LMF1: variants seen among roughly 807,000 people sequenced by gnomAD.
The protein encoded by LMF1 is lipase maturation factor 1, also known as transmembrane protein 112.
A neutral mutation model predicts 60.6 loss-of-function variants in LMF1; 68 were observed. The ratio of observed to expected loss-of-function variants is 1.12; its 90% confidence interval spans 0.92 to 1.37. LMF1 has a LOEUF of 1.37. LMF1 is among the 40% of genes most tolerant of loss of function. LMF1 has a pLI of 0.00. For synonymous variants in LMF1, 418 were observed against 324.7 expected (o/e 1.29, Z -3.09); for missense variants, 948 against 767.2 (o/e 1.24, Z -2.78).
chr16:936,036 A>C (rs1436889078), intron 2 of LMF1, among the ~76,000 whole-genome samples: 1 of 152,260 alleles, frequency 6.6e-6, no homozygotes, highest in East Asian at 1.9e-4. Context: ...TAGGTAAAAG[A>C]GTACGAAGTC....
chr16:976,159 C>T, intron 1 of LMF1: 1 of 453,528 alleles, frequency 2.2e-6, no homozygotes, highest in Non-Finnish European at 4.4e-6. Flanking sequence ...TGTCCCTTCT[C>T]AGAGGACCTC....
intron 3 of LMF1, among the ~76,000 whole-genome samples, chr16:924,905 G>A (rs1308073376): frequency 2.0e-5 from 3 of 152,266 alleles, no homozygotes; most frequent in Non-Finnish European, 4.4e-5. Flanking sequence ...GAGGAAACAA[G>A]TATTGAGGCC....
chr16:958,639 C>T (rs927028876), intron 1 of LMF1, among the ~76,000 whole-genome samples: 4 of 152,144 alleles, frequency 2.6e-5, no homozygotes, highest in Admixed American at 6.5e-5. Context: ...GTAATCCCAG[C>T]GCTTTGGGAG....
chr16:890,292 C>CG (rs1475198713), intron 5 of LMF1, among the ~76,000 whole-genome samples: 1 of 152,226 alleles, frequency 6.6e-6, no homozygotes, highest in Non-Finnish European at 1.5e-5. Context: ...AAGGGGCCCC[C>CG]GGGAAGCAAG....
intron 4 of LMF1, among the ~76,000 whole-genome samples, chr16:895,083 G>A (rs546526036): frequency 1.1e-3 from 160 of 152,298 alleles, no homozygotes; most frequent in Non-Finnish European, 1.7e-3. Context: ...CCCCTGGAAC[G>A]CAGGGTCCCA....
intron 4 of LMF1, among the ~76,000 whole-genome samples, chr16:910,509 C>G (rs1310652337): frequency 6.6e-6 from 1 of 152,212 alleles, no homozygotes; most frequent in Non-Finnish European, 1.5e-5. Context: ...CTCCCTCACC[C>G]TTGAATATGT....
rs1176540046 is a variant in LMF1, at chr16:914,846, T to C, written c.515-3767A>G. On this transcript the variant is annotated intron_variant, in intron 3 of 10. Coordinates refer to ENST00000262301, the MANE Select transcript of LMF1 (RefSeq NM_022773.4). The stretch of plus-strand genomic sequence containing the variant: ...CCATCTCCCTCTCTCCCATGACCAT[T>C]GGTGACAAAATTTTACTGCCTTGGA... Among the ~76,000 whole-genome samples, 5 of 70,418 alleles carry C rather than the reference T, an allele frequency of 7.1e-5. No individual in the cohort carries two copies. The East Asian group carries it at 1.8e-3, about 25-fold the overall frequency. 46.2% of individuals were successfully genotyped at this position (70,418 alleles called of 152,430 possible). A position where few individuals can be genotyped will look rare whatever the true frequency, so the allele number is the denominator to read the frequency against.
intron 10 of LMF1, among the ~76,000 whole-genome samples, chr16:864,294 A>C (rs1596846198): frequency 6.6e-6 from 1 of 152,048 alleles, no homozygotes; most frequent in South Asian, 2.1e-4. Flanking sequence ...TTTACTTTCA[A>C]CCTGCCTATA....
At position 954,537 on chromosome 16, in the gene LMF1, C is replaced by A; in HGVS notation, c.323G>T (p.Ser108Ile). 6.2e-7 allele frequency: 1 copy of A among 1,613,154 alleles called. No individual in the cohort carries two copies. The highest frequency in any genetic ancestry group is 8.5e-7 in the Non-Finnish European group (1 of 1,179,774). ...FQDRTSWEVF[S>I]YMPTILWLMD... ...CAGCCAGAGGATGGTGGGCATGTAG[C>A]TGAAGACTTCCCAGCTCGTCCTGTC... Residue 108 changes from serine to isoleucine, a missense_variant, in exon 2 of 11, where the codon AGC becomes ATC. Ser to Ile is a moderately radical substitution (Grantham distance 142, BLOSUM62 -2). Transcript: ENST00000262301.
At chr16:971,000 C>T (rs1567343098), upstream of LMF1, 8 of 1,423,518 alleles carry the variant, frequency 5.6e-6, no homozygotes, top group South Asian at 1.5e-5. Flanking sequence ...GGGCGCACTC[C>T]CGGAGGCCCC....
chr16:973,933 G>A (rs1034577469), upstream of LMF1, among the ~76,000 whole-genome samples: 3 of 151,566 alleles, frequency 2.0e-5, no homozygotes, highest in African/African-American at 7.3e-5. Context: ...TGACGTGAAC[G>A]CGGGGGCTGG....
chr16:947,776 C>A, intron 2 of LMF1: 1 of 353,372 alleles, frequency 2.8e-6, no homozygotes, highest in Non-Finnish European at 5.6e-6. Context: ...AGAGTCAGAG[C>A]CAACGACAGA....
intron 10 of LMF1, among the ~76,000 whole-genome samples, chr16:864,685 G>C (rs1427595507): frequency 6.7e-6 from 1 of 148,440 alleles, no homozygotes; most frequent in Non-Finnish European, 1.5e-5. Context: ...TTTTGAGATA[G>C]GGTCTTGTGT....
chr16:867,982 C>T (rs558478458), intron 10 of LMF1, among the ~76,000 whole-genome samples: 220 of 152,296 alleles, frequency 1.4e-3, no homozygotes, highest in African/African-American at 5.2e-3. Context: ...TCCCAGCTCC[C>T]GAGTGTTCTT....
intron 10 of LMF1, among the ~76,000 whole-genome samples, chr16:860,403 G>C (rs920035693): frequency 1.3e-4 from 19 of 149,666 alleles, no homozygotes; most frequent in African/African-American, 4.4e-4. Context: ...GTGGTGGTGT[G>C]ATCTCGGCTC....
intron 1 of LMF1, among the ~76,000 whole-genome samples, chr16:955,954 GCT>G (rs749829775): frequency 1.5e-3 from 213 of 146,354 alleles, no homozygotes; most frequent in South Asian, 0.012. Context: ...CCCCACGACG[GCT>G]CTCTCACATC....
Position 953,988 on chromosome 16 carries a change from CCCCAAACCA to C in LMF1, c.503+360_503+368del, listed in dbSNP as rs2072586974. 2.9e-5 allele frequency among the ~76,000 whole-genome samples: 3 copies of C among 103,726 alleles called. 1 individual carries two copies. Among genetic ancestry groups the C allele is most frequent in the African/African-American group, 7.1e-5 (2 of 28,018 alleles). The allele number at this position is 103,726 out of a possible 152,430, so 68.0% of individuals were successfully genotyped here. A position where few individuals can be genotyped will look rare whatever the true frequency, so the allele number is the denominator to read the frequency against. On this transcript the variant is annotated intron_variant, in intron 2 of 10. Transcript: ENST00000262301. ...AGCCTCCTACATGTCCACACAGACA[CCCCAAACCA>C]GCCTCCTACACGTCCACACAGACAC...
intron 5 of LMF1, chr16:881,475 C>T (rs890673075): frequency 6.6e-6 from 1 of 152,378 alleles, no homozygotes; most frequent in African/African-American, 2.4e-5. Flanking sequence ...GCTGCTGGCC[C>T]AGACCTCAGG....
At chr16:965,825 A>G (rs1267253726) in intron 1 of LMF1, among the ~76,000 whole-genome samples, 1 of 152,172 alleles carries the variant, frequency 6.6e-6, no homozygotes, top group Non-Finnish European at 1.5e-5. Flanking sequence ...AAAGTGTCCC[A>G]TGCTGACACT....
Sources: gnomAD v4.1 joint callset for allele counts (sites outside exome capture counted in the v4.1 genomes callset) on GRCh38, gnomAD v4.1.1 for gene constraint, MANE v1.5 for transcripts, NCBI Gene and HGNC (gene_info 2026-07-23, HGNC 2026-07-21) for gene names.